DENND4B: variants seen among roughly 807,000 people sequenced by gnomAD.
DENND4B encodes DENN domain-containing protein 4B.
DENND4B carries 67 observed loss-of-function variants against 161.0 expected under a neutral mutation model. The ratio of observed to expected loss-of-function variants is 0.42; its 90% CI spans 0.34 to 0.51. The LOEUF (loss-of-function observed/expected upper bound fraction) is 0.51. Ranked by LOEUF, DENND4B falls within the 20% of genes least tolerant of loss-of-function variation. DENND4B has a pLI of 0.08. For missense variants in DENND4B, 1,481 were observed against 1,968.0 expected, an observed-to-expected ratio of 0.75 and a Z score of 4.68; for synonymous variants, 753 against 813.8, an observed-to-expected ratio of 0.93 and a Z score of 1.27.
chr1:153,933,950 C>A lies in DENND4B; in HGVS notation c.2942-79G>T. 2 of 1,555,524 alleles carry A rather than the reference C, an allele frequency of 1.3e-6. No individual in the cohort carries two copies. Among genetic ancestry groups the A allele is most frequent in the South Asian group, 1.2e-5 (1 of 82,410 alleles). On this transcript the variant is annotated intron_variant, in intron 19 of 27. Transcript: ENST00000361217. The surrounding 1 kb of genome is among the most constrained non-coding windows in gnomAD (Gnocchi z 5.7). ...CCCCTTTCCTGAATAAACACAATTC[C>A]TGGCTGCACAAACTCTGGTGCCACC...
chr1:153,945,313 A>C (rs1679898391), intron 1 of DENND4B: 4 of 490,308 alleles, frequency 8.2e-6, no homozygotes, highest in Non-Finnish European at 1.4e-5. Flanking sequence ...GCTGCAACTC[A>C]GAGGAAGTCA....
intron 11 of DENND4B, 166 bp downstream of exon 11, chr1:153,939,990 T>G (rs1171060808): frequency 1.2e-6 from 1 of 820,910 alleles, no homozygotes; most frequent in Non-Finnish European, 1.9e-6. Flanking sequence ...CTGTCTGCCC[T>G]TCCTTCTAGC....
At position 153,931,058 on chromosome 1, in the gene DENND4B, A is replaced by G; in HGVS notation, c.4003T>C (p.Ser1335Pro). ...CDGPSHSQAP[S>P]PWLTPDPASV... is the part of the protein sequence containing the mutation. Reference sequence around the variant, plus strand: ...GCTGGATCAGGGGTTAGCCAAGGAGATGGGGCCTGGGGGAGCCAAGATAGT... The same window carrying G: ...GCTGGATCAGGGGTTAGCCAAGGAGGTGGGGCCTGGGGGAGCCAAGATAGT... The change falls in exon 25 of 28, where the codon TCT (serine) becomes CCT (proline). Residue 1335 changes from serine (S) to proline (P), a missense_variant. This residue lies in a region of DENND4B where 336 missense variants were observed against 503.3 expected (regional missense o/e 0.67). Transcript: ENST00000361217. 6.2e-7 allele frequency: 1 copy of G among 1,610,224 alleles called. No homozygotes were observed. The highest frequency in any genetic ancestry group is 8.5e-7 in the Non-Finnish European group (1 of 1,178,470).
intron 12 of DENND4B, 61 bp downstream of exon 12, chr1:153,939,528 G>T: frequency 1.3e-6 from 2 of 1,533,412 alleles, no homozygotes; most frequent in Non-Finnish European, 1.8e-6. Context: ...TTCTGACAGA[G>T]CCCAGCCCCT....
chr1:153,933,584 G>A lies in DENND4B; in HGVS notation c.3229C>T (p.Pro1077Ser). 2 of 1,567,024 alleles carry A rather than the reference G, an allele frequency of 1.3e-6. No homozygotes were observed. Among genetic ancestry groups the A allele is most frequent in the Non-Finnish European group, 1.7e-6 (2 of 1,158,738 alleles). The change falls in exon 20 of 28, where the codon CCC becomes TCC. Residue 1077 changes from proline (P) to serine (S), a missense_variant. Pro to Ser is a moderately conservative substitution (Grantham distance 74). Transcript: ENST00000361217. This position sits in a 1 kb window ranked among gnomAD's most constrained non-coding sequence, Gnocchi z 5.7. ...AGGTCAGGAGGCAGCTCAGGTGGGG[G>A]AATGCGGGAGGCAGGGGAGTGGCGG... is the stretch of plus-strand genomic sequence containing the variant. ...PSRHSPASRIPPPELPPDLPP... is the reference protein window; with the variant it reads ...PSRHSPASRISPPELPPDLPP...
In DENND4B at chr1:153,937,847, T is replaced by C. The variant is rs1380192917; in HGVS notation, c.1982A>G (p.Glu661Gly). 1.9e-6 allele frequency: 3 copies of C among 1,613,992 alleles called. No individual in the cohort carries two copies. The highest frequency in any genetic ancestry group is 2.2e-5 in the South Asian group (2 of 91,082). ...SCVEKVHPEQEKPEPTPLVEL... is the reference protein window; with the variant it reads ...SCVEKVHPEQGKPEPTPLVEL... ...CACTAAGGGTGTCGGCTCAGGCTTC[T>C]CCTGCTCTGGGTGGACCTGGAGAAG... Residue 661 changes from glutamate to glycine, a missense_variant, in exon 14 of 28, where the codon GAG becomes GGG. By Grantham distance (98) the Glu-to-Gly change is moderately conservative (BLOSUM62 -2). This residue lies in a region of DENND4B where 806 missense variants were observed against 1,134.4 expected (regional missense o/e 0.71). Coordinates refer to ENST00000361217, the MANE Select transcript of DENND4B (RefSeq NM_014856.3). This position sits in a 1 kb window ranked among gnomAD's most constrained non-coding sequence, Gnocchi z 4.7.
At chr1:153,943,168 G>A (rs1679773448) in intron 2 of DENND4B, 38 bp from the exon 3 acceptor site, 3 of 1,582,466 alleles carry the variant, frequency 1.9e-6, no homozygotes, top group African/African-American at 1.3e-5. Flanking sequence ...TGAGAGGTCA[G>A]GGTAGAGGAC....
In DENND4B at chr1:153,932,117, C is replaced by T; in HGVS notation, c.3996+87G>A. 7.6e-7 allele frequency: 1 copy of T among 1,312,048 alleles called. No homozygotes were observed. Among genetic ancestry groups the T allele is most frequent in the Non-Finnish European group, 1.1e-6 (1 of 943,142 alleles). The allele number at this position is 1,312,048 out of a possible 1,614,324, so 81.3% of individuals were successfully genotyped here. A position where few individuals can be genotyped will look rare whatever the true frequency, so the allele number is the denominator to read the frequency against. On this transcript the variant is annotated intron_variant, in intron 24 of 27. Transcript: ENST00000361217. This position sits in a 1 kb window ranked among gnomAD's most constrained non-coding sequence, Gnocchi z 5.8. The stretch of plus-strand genomic sequence containing the variant: ...CCACCGTGCCTGGCCAGTCTATGCT[C>T]TTTCTACAGTGCCAAGGACACAGTG...
chr1:153,930,329 G>T lies in DENND4B; in HGVS notation c.4459C>A (p.Arg1487=). 5 of 1,613,888 alleles carry T rather than the reference G, an allele frequency of 3.1e-6. No homozygotes were observed. The highest frequency in any genetic ancestry group is 4.2e-6 in the Non-Finnish European group (5 of 1,179,824). Residue 1487 remains arginine (R), a synonymous_variant, in exon 28 of 28, where the codon CGA becomes AGA. Transcript: ENST00000361217. This position sits in a 1 kb window ranked among gnomAD's most constrained non-coding sequence, Gnocchi z 4.7. ...TCTGGAGGTGCTCCAAAACATTTTC[G>T]GCAGTCAATGGCCTTGGGAGTGGGC... ...QMPTPKAIDC[R]KCFGAPPEC is the part of the protein sequence containing the mutation.
In DENND4B at chr1:153,930,490, A is replaced by C. The variant is rs1428573084; in HGVS notation, c.4346-48T>G. The stretch of plus-strand genomic sequence containing the variant: ...ACATGTTAGGACCGCAGCCTCCCAC[A>C]CCTGGCCCCAGATCCCTAAACTCCT... On this transcript the variant is annotated intron_variant, in intron 27 of 27. Transcript: ENST00000361217. This position sits in a 1 kb window ranked among gnomAD's most constrained non-coding sequence, Gnocchi z 4.7. 3 of 1,613,876 alleles carry C rather than the reference A, an allele frequency of 1.9e-6. No individual in the cohort carries two copies. The highest frequency in any genetic ancestry group is 2.5e-6 in the Non-Finnish European group (3 of 1,179,894).
chr1:153,933,967 G>A lies in DENND4B; in HGVS notation c.2942-96C>T. The A allele has an allele frequency of 6.5e-7, 1 of 1,527,724 alleles. No individual in the cohort carries two copies. The highest frequency in any genetic ancestry group is 1.2e-5 in the South Asian group (1 of 80,280). The allele number at this position is 1,527,724 out of a possible 1,614,324, so 94.6% of individuals were successfully genotyped here. On this transcript the variant is annotated intron_variant, in intron 19 of 27. Coordinates refer to ENST00000361217, the MANE Select transcript of DENND4B (RefSeq NM_014856.3). The surrounding 1 kb of genome is among the most constrained non-coding windows in gnomAD (Gnocchi z 5.7). ...CACAATTCCTGGCTGCACAAACTCT[G>A]GTGCCACCACCCCCACCATGATGAT...
At chr1:153,931,141 CA>C in intron 24 of DENND4B, 77 bp from the exon 25 acceptor site, 1 of 1,177,022 alleles carries the variant, frequency 8.5e-7, no homozygotes, top group Non-Finnish European at 1.2e-6. Context: ...CAGGTGATGC[CA>C]AAGAGACAGA....
chr1:153,930,248 C>T lies in DENND4B; in HGVS notation c.*49G>A, dbSNP rs1265452454. 9.5e-6 allele frequency: 15 copies of T among 1,584,712 alleles called. No individual in the cohort carries two copies. Among genetic ancestry groups the T allele is most frequent in the Non-Finnish European group, 1.3e-5 (15 of 1,161,478 alleles). On this transcript the variant is annotated 3_prime_UTR_variant, in exon 28 of 28. Coordinates refer to ENST00000361217, the MANE Select transcript of DENND4B (RefSeq NM_014856.3). The surrounding 1 kb of genome is among the most constrained non-coding windows in gnomAD (Gnocchi z 4.7). The stretch of plus-strand genomic sequence containing the variant: ...GGGAAGCAGTTTAACTCTAGAATCC[C>T]TTCTTCCTCACTTCCCCACCCTAGG...
chr1:153,941,779 T>TGC, intron 6 of DENND4B, 90 bp downstream of exon 6: 1 of 464,520 alleles, frequency 2.2e-6, no homozygotes, highest in Non-Finnish European at 3.9e-6. Context: ...TGCCCAGCCC[T>TGC]CCCCCCACCC....
At position 153,934,101 on chromosome 1, in the gene DENND4B, TG is replaced by T; in HGVS notation, c.2941+33del. ...CTAGCAAGTGGTTAGGAAAGCTGAC[TG>T]GGGGAGTGAGGGAGCCAGACAAGGG... On this transcript the variant is annotated intron_variant, in intron 19 of 27. Transcript: ENST00000361217. This position sits in a 1 kb window ranked among gnomAD's most constrained non-coding sequence, Gnocchi z 5.3. 1 of 1,522,756 alleles carries T rather than the reference TG, an allele frequency of 6.6e-7. No homozygotes were observed. Among genetic ancestry groups the T allele is most frequent in the Non-Finnish European group, 8.8e-7 (1 of 1,141,620 alleles). The allele number at this position is 1,522,756 out of a possible 1,614,324, so 94.3% of individuals were successfully genotyped here. A position where few individuals can be genotyped will look rare whatever the true frequency, so the allele number is the denominator to read the frequency against.
At position 153,946,539 on chromosome 1, in the gene DENND4B, G is replaced by C. The variant is rs1408961042; in HGVS notation, c.-262C>G. 5.1e-6 allele frequency: 2 copies of C among 390,002 alleles called. No homozygotes were observed. Among genetic ancestry groups the C allele is most frequent in the African/African-American group, 4.1e-5 (2 of 48,220 alleles). The allele number at this position is 390,002 out of a possible 1,614,324, so 24.2% of individuals were successfully genotyped here. ...CGCCGCGCTGCGCCACGCGGGGACT[G>C]TGCTGCCGCGCTGCTCGCTCGGCCG... is the stretch of plus-strand genomic sequence containing the variant. On this transcript the variant is annotated 5_prime_UTR_variant, in exon 1 of 28. Coordinates refer to ENST00000361217, the MANE Select transcript of DENND4B (RefSeq NM_014856.3). This position sits in a 1 kb window ranked among gnomAD's most constrained non-coding sequence, Gnocchi z 6.3.
At position 153,933,755 on chromosome 1, in the gene DENND4B, C is replaced by T; in HGVS notation, c.3058G>A (p.Gly1020Ser). ...EEPLPGGSPG[G>S]SGSALSAQST... ...TGGGCACTCAGGGCTGAGCCTGAGC[C>T]CCCTGGGCTGCCTCCAGGGAGCGGC... The change falls in exon 20 of 28, where the codon GGC (glycine) becomes AGC (serine). Residue 1020 changes from glycine (G) to serine (S), a missense_variant. This residue lies in a region of DENND4B where 339 missense variants were observed against 330.3 expected (regional missense o/e 1.03). Transcript: ENST00000361217. This position sits in a 1 kb window ranked among gnomAD's most constrained non-coding sequence, Gnocchi z 5.7. 2 of 1,604,990 alleles carry T rather than the reference C, an allele frequency of 1.2e-6. No individual in the cohort carries two copies. Among genetic ancestry groups the T allele is most frequent in the Non-Finnish European group, 1.7e-6 (2 of 1,176,330 alleles).
chr1:153,942,630 C>T lies in DENND4B; in HGVS notation c.571-5G>A, dbSNP rs758890423. The T allele has an allele frequency of 8.8e-6, 14 of 1,585,824 alleles. No homozygotes were observed. The highest frequency in any genetic ancestry group is 5.5e-5 in the Admixed American group (3 of 54,250). On this transcript the variant is annotated splice_region_variant and splice_polypyrimidine_tract_variant and intron_variant, in intron 3 of 27. Transcript: ENST00000361217. This position sits in a 1 kb window ranked among gnomAD's most constrained non-coding sequence, Gnocchi z 6.9. Reference sequence around the variant, plus strand: ...CAGGTACACTGCTGGGCCCCACTACCCCAGAAATGGCAAGAGACAAGCAGA... The same window carrying T: ...CAGGTACACTGCTGGGCCCCACTACTCCAGAAATGGCAAGAGACAAGCAGA...
chr1:153,933,054 G>A lies in DENND4B; in HGVS notation c.3454-24C>T, dbSNP rs1461890954. ...ATCTGTGGGCAGGGAGAGTCGGGAA[G>A]TAGGTGCTGTCTGGCCGCCAGCACT... On this transcript the variant is annotated intron_variant, in intron 21 of 27. Coordinates refer to ENST00000361217, the MANE Select transcript of DENND4B (RefSeq NM_014856.3). This position sits in a 1 kb window ranked among gnomAD's most constrained non-coding sequence, Gnocchi z 5.7. 1.2e-6 allele frequency: 2 copies of A among 1,611,548 alleles called. No homozygotes were observed. The highest frequency in any genetic ancestry group is 1.7e-5 in the Admixed American group (1 of 59,984).
Sources: allele counts gnomAD v4.1 joint callset, GRCh38; gene constraint gnomAD v4.1.1; regional missense constraint gnomAD v4.1.1; non-coding constraint Gnocchi (gnomAD v3.1); transcripts MANE v1.5; gene names NCBI Gene and HGNC (gene_info 2026-07-23, HGNC 2026-07-21).